The following TLK2 variants were observed in gnomAD, a reference collection of about 807,000 sequenced individuals.
The protein encoded by TLK2 is tousled like kinase 2, also known as serine/threonine-protein kinase tousled-like 2.
A neutral mutation model predicts 117.3 loss-of-function variants in TLK2; 6 were observed. That is an observed-to-expected ratio of 0.05 (90% confidence interval 0.03 to 0.10). The LOEUF (loss-of-function observed/expected upper bound fraction) is 0.10, where lower values mean the gene tolerates loss of function less well. Ranked by LOEUF, TLK2 falls within the 10% of genes least tolerant of loss-of-function variation. The probability of loss-of-function intolerance (pLI) is 1.00; values close to 1 mark genes in which losing one functional copy is unlikely to be tolerated. For synonymous variants in TLK2, 257 were observed against 316.7 expected, an observed-to-expected ratio of 0.81 and a Z score of 2.00; for missense variants, 299 against 901.2, an observed-to-expected ratio of 0.33 and a Z score of 8.56.
upstream of TLK2, among the ~76,000 whole-genome samples, chr17:62,478,533 G>A (rs1165002964): frequency 6.7e-6 from 1 of 149,864 alleles, no homozygotes; most frequent in African/African-American, 2.4e-5. Flanking sequence ...ACCTCCCCTC[G>A]CGTTGCGGCC....
intron 14 of TLK2, among the ~76,000 whole-genome samples, chr17:62,579,017 C>T (rs2081021303): frequency 6.6e-6 from 1 of 152,110 alleles, no homozygotes; most frequent in African/African-American, 2.4e-5. Flanking sequence ...TTAAGTAAGA[C>T]TCTTAAGTTC....
intron 2 of TLK2, chr17:62,516,359 C>T: frequency 1.3e-6 from 2 of 1,543,034 alleles, no homozygotes; most frequent in Admixed American, 1.7e-5. Context: ...CCAAATCCGC[C>T]TCTAAACTAG....
chr17:62,595,352 G>A (rs1466076565), intron 16 of TLK2, among the ~76,000 whole-genome samples: 2 of 145,260 alleles, frequency 1.4e-5, no homozygotes, highest in East Asian at 2.1e-4. Flanking sequence ...CTGCTGTATA[G>A]TAAATACATA....
intron 7 of TLK2, among the ~76,000 whole-genome samples, chr17:62,544,144 A>G (rs959776001): frequency 3.9e-5 from 6 of 152,202 alleles, no homozygotes; most frequent in Non-Finnish European, 7.3e-5. Flanking sequence ...ACTTACAGCA[A>G]GAGGTTTATT....
chr17:62,589,173 A>T (rs2081887217), intron 16 of TLK2, among the ~76,000 whole-genome samples: 1 of 152,156 alleles, frequency 6.6e-6, no homozygotes, highest in South Asian at 2.1e-4. Context: ...TATTATAAAA[A>T]CAAATTTTAT....
chr17:62,581,058 G>A (rs2081180442), intron 15 of TLK2, among the ~76,000 whole-genome samples: 1 of 151,988 alleles, frequency 6.6e-6, no homozygotes, highest in South Asian at 2.1e-4. Flanking sequence ...TATTGCCCAG[G>A]CTGGAGTAAG....
chr17:62,492,819 C>T (rs1467563650), intron 2 of TLK2, among the ~76,000 whole-genome samples: 3 of 152,026 alleles, frequency 2.0e-5, no homozygotes, highest in African/African-American at 7.2e-5. Context: ...ACTCCCAGGC[C>T]AGGCACAATG....
At chr17:62,565,630 C>T (rs898307058) in intron 11 of TLK2, among the ~76,000 whole-genome samples, 146 of 117,612 alleles carry the variant, frequency 1.2e-3, no homozygotes, top group African/African-American at 4.1e-3. Flanking sequence ...CCAGCCTGGG[C>T]GACAGAGCAA....
At chr17:62,563,322 T>C (rs1261555915) in intron 10 of TLK2, among the ~76,000 whole-genome samples, 2 of 152,214 alleles carry the variant, frequency 1.3e-5, no homozygotes, top group Non-Finnish European at 2.9e-5. Flanking sequence ...CACACACCTG[T>C]AGTCCTAGCT....
intron 2 of TLK2, among the ~76,000 whole-genome samples, chr17:62,518,642 G>T (rs1385541235): frequency 6.6e-6 from 1 of 152,026 alleles, no homozygotes; most frequent in Non-Finnish European, 1.5e-5. Context: ...GGAGGCAGGG[G>T]TTGCAGTGAG....
chr17:62,497,696 T>C (rs1257705890), intron 2 of TLK2, among the ~76,000 whole-genome samples: 2 of 152,174 alleles, frequency 1.3e-5, no homozygotes, highest in East Asian at 1.9e-4. Flanking sequence ...ACATTTGTAT[T>C]GTATTGTATT....
intron 6 of TLK2, among the ~76,000 whole-genome samples, chr17:62,526,669 T>C (rs1375331336): frequency 6.9e-6 from 1 of 144,876 alleles, no homozygotes; most frequent in Non-Finnish European, 1.5e-5. Flanking sequence ...ATTGAACTGC[T>C]CTTCCTGTAA....
At chr17:62,552,530 T>G in intron 8 of TLK2, 133 bp downstream of exon 8, 1 of 1,447,990 alleles carries the variant, frequency 6.9e-7, no homozygotes, top group South Asian at 1.4e-5. Flanking sequence ...GTGTATTATA[T>G]TCATAACTTG....
In TLK2 at chr17:62,547,040, C is replaced by T. The variant is rs116507833; in HGVS notation, c.532-5262C>T. Among the ~76,000 whole-genome samples, 873 of 152,202 alleles carry T rather than the reference C, an allele frequency of 5.7e-3. 8 individuals are homozygous for T. The highest frequency in any genetic ancestry group is 0.02 in the African/African-American group (832 of 41,516). ...GTAGCTACAGTATACTTTTGATCCT[C>T]TCTGAACCTATTTTATTTTTTTCAT... is the stretch of plus-strand genomic sequence containing the variant. On this transcript the variant is annotated intron_variant, in intron 7 of 21. Transcript: ENST00000346027.
At position 62,536,666 on chromosome 17, in the gene TLK2, A is replaced by T. The variant is rs376879010; in HGVS notation, c.531+329A>T. Among the ~76,000 whole-genome samples, 528 of 152,204 alleles carry T rather than the reference A, an allele frequency of 3.5e-3. 2 individuals are homozygous for T. Among genetic ancestry groups the T allele is most frequent in the African/African-American group, 0.012 (488 of 41,534 alleles). ...TTCCATTAGTAACCAAGATATAATT[A>T]AAAATAGAGTCTCCGAGTTCCAGCC... On this transcript the variant is annotated intron_variant, in intron 7 of 21. Transcript: ENST00000346027.
chr17:62,588,754 T>C (rs1270283415), intron 16 of TLK2, among the ~76,000 whole-genome samples: 3 of 152,312 alleles, frequency 2.0e-5, no homozygotes, highest in African/African-American at 7.2e-5. Flanking sequence ...TTCTAAGTGA[T>C]ATAAAATCAT....
chr17:62,518,073 G>T (rs562673456), intron 2 of TLK2, among the ~76,000 whole-genome samples: 6 of 152,248 alleles, frequency 3.9e-5, no homozygotes, highest in African/African-American at 1.4e-4. Flanking sequence ...TCCGTTTGGG[G>T]TTTTAGCCCA....
At chr17:62,524,995 G>A (rs2145612366) in intron 6 of TLK2, among the ~76,000 whole-genome samples, 1 of 152,276 alleles carries the variant, frequency 6.6e-6, no homozygotes. Context: ...GAATTACCTG[G>A]TCCAAAATAT....
At chr17:62,580,897 C>T (rs1438117954) in intron 15 of TLK2, among the ~76,000 whole-genome samples, 1 of 152,164 alleles carries the variant, frequency 6.6e-6, no homozygotes, top group Non-Finnish European at 1.5e-5. Flanking sequence ...TTATGTTATG[C>T]TCATATGAAT....
Sources: allele counts gnomAD v4.1 joint callset (sites outside exome capture counted in the v4.1 genomes callset), GRCh38; gene constraint gnomAD v4.1.1; transcripts MANE v1.5; gene names NCBI Gene and HGNC (gene_info 2026-07-23, HGNC 2026-07-21).